The following PRKCA variants were observed in gnomAD, a reference collection of about 807,000 sequenced individuals.
PRKCA encodes the protein protein kinase C alpha.
A neutral mutation model predicts 87.0 loss-of-function variants in PRKCA; 27 were observed. The observed-to-expected ratio is 0.31, with a 90% CI of 0.23 to 0.43. PRKCA has a LOEUF of 0.43. Among genes scored for constraint, PRKCA ranks in the 20% least tolerant of loss-of-function variants. The pLI is 1.00. For missense variants in PRKCA, 518 were observed against 852.3 expected, an observed-to-expected ratio of 0.61 and a Z score of 4.88; for synonymous variants, 329 against 311.1, an observed-to-expected ratio of 1.06 and a Z score of -0.61.
chr17:66,335,388 G>C (rs368343870), intron 2 of PRKCA, among the ~76,000 whole-genome samples: 1 of 151,914 alleles, frequency 6.6e-6, no homozygotes, highest in Non-Finnish European at 1.5e-5. Context: ...TCCCACCTTG[G>C]CCTCTCAAAG....
chr17:66,641,385 C>G lies in PRKCA; in HGVS notation c.319C>G (p.His107Asp). ...CAGGAGCAAGCACAAGTTCAAAATC[C>G]ACACTTACGGAAGCCCCACCTTCTG... ...DPRSKHKFKIHTYGSPTFCDH... is the reference protein window; with the variant it reads ...DPRSKHKFKIDTYGSPTFCDH... Residue 107 changes from histidine (H) to aspartate (D), a missense_variant, in exon 4 of 17, where the codon CAC becomes GAC. By Grantham distance (81) the His-to-Asp change is moderately conservative. This residue lies in a region of PRKCA where 300 missense variants were observed against 496.8 expected (regional missense o/e 0.60). Coordinates refer to ENST00000413366, the MANE Select transcript of PRKCA (RefSeq NM_002737.3). The G allele has an allele frequency of 6.2e-7, 1 of 1,612,690 alleles. No individual in the cohort carries two copies. The highest frequency in any genetic ancestry group is 1.1e-5 in the South Asian group (1 of 90,700).
chr17:66,511,995 T>A (rs1201623905), intron 3 of PRKCA, among the ~76,000 whole-genome samples: 2 of 152,116 alleles, frequency 1.3e-5, no homozygotes, highest in Admixed American at 1.3e-4. Context: ...GATAGTGAAC[T>A]TCTGTCCATC....
intron 5 of PRKCA, among the ~76,000 whole-genome samples, chr17:66,658,818 T>C (rs1971808386): frequency 6.6e-6 from 1 of 152,214 alleles, no homozygotes; most frequent in African/African-American, 2.4e-5. Flanking sequence ...GACTCTTTCA[T>C]GGTGTAGCTA....
chr17:66,393,102 A>G (rs1042081856), intron 2 of PRKCA, among the ~76,000 whole-genome samples: 2 of 152,188 alleles, frequency 1.3e-5, no homozygotes, highest in Non-Finnish European at 1.5e-5. Context: ...GATTTTAAAC[A>G]TAAGCCAGTG....
chr17:66,629,289 G>A (rs1970942447), intron 3 of PRKCA, among the ~76,000 whole-genome samples: 1 of 152,268 alleles, frequency 6.6e-6, no homozygotes, highest in East Asian at 1.9e-4. Context: ...CAGCCCTCTT[G>A]CAAATAATGT....
rs776376975 is a variant in PRKCA, at chr17:66,788,896, G to A, written c.1771G>A (p.Val591Met). The A allele has an allele frequency of 6.8e-6, 11 of 1,614,004 alleles. No homozygotes were observed. Among genetic ancestry groups the A allele is most frequent in the African/African-American group, 1.3e-5 (1 of 74,918 alleles). The change falls in exon 16 of 17, where the codon GTG becomes ATG. Residue 591 changes from valine to methionine, a missense_variant. Around this residue, in one of 5 missense-constraint regions of PRKCA, gnomAD observed 159 missense variants for 232.4 expected, o/e 0.68. Coordinates refer to ENST00000413366, the MANE Select transcript of PRKCA (RefSeq NM_002737.3). ...CTGTGGGCCTGAGGGGGAGAGGGAC[G>A]TGAGAGAGCATGCCTTCTTCCGGAG... is the stretch of plus-strand genomic sequence containing the variant. Reference protein sequence around the residue: ...LGCGPEGERDVREHAFFRRID... With the variant: ...LGCGPEGERDMREHAFFRRID...
intron 11 of PRKCA, among the ~76,000 whole-genome samples, chr17:66,739,800 G>T (rs1974118054): frequency 6.6e-6 from 1 of 152,076 alleles, no homozygotes; most frequent in African/African-American, 2.4e-5. Flanking sequence ...GGGGCTCTGG[G>T]TGAAGAGCCT....
intron 14 of PRKCA, among the ~76,000 whole-genome samples, chr17:66,785,851 C>T (rs779932774): frequency 6.6e-5 from 10 of 152,190 alleles, no homozygotes; most frequent in African/African-American, 1.4e-4. Flanking sequence ...GTTTTTGAGA[C>T]GGAGTCTCGC....
intron 15 of PRKCA, among the ~76,000 whole-genome samples, chr17:66,788,515 T>C (rs9898651): frequency 0.18 from 26,822 of 152,016 alleles, 3,937 homozygotes; most frequent in African/African-American, 0.4. Flanking sequence ...TTTTTATTAC[T>C]AGATACATGT....
At chr17:66,714,848 C>T (rs1323370289) in intron 8 of PRKCA, among the ~76,000 whole-genome samples, 11 of 152,114 alleles carry the variant, frequency 7.2e-5, no homozygotes, top group Non-Finnish European at 1.0e-4. Context: ...CACAGAGGGC[C>T]CAGAGAATAG....
intron 2 of PRKCA, among the ~76,000 whole-genome samples, chr17:66,495,101 C>CA (rs34731379): frequency 0.66 from 87,210 of 132,058 alleles, 27,377 homozygotes; most frequent in Middle Eastern, 0.73. Flanking sequence ...GACCCGGTCT[C>CA]AAAAAAAAAA....
rs930696388 is a variant in PRKCA at position 66,373,414 on chromosome 17, C to G, written c.205+67287C>G. Among the ~76,000 whole-genome samples the G allele has an allele frequency of 2.6e-5, 4 of 152,158 alleles. 1 individual carries two copies. The highest frequency in any genetic ancestry group is 9.7e-5 in the African/African-American group (4 of 41,434). On this transcript the variant is annotated intron_variant, in intron 2 of 16. Transcript: ENST00000413366. ...AGGTCGTACAGCCTGTAAATGTTCC[C>G]CAAAAGCCCATGTACTTTCTTCACT...
At chr17:66,789,161 CT>C (rs2144386459) in intron 16 of PRKCA, among the ~76,000 whole-genome samples, 182 bp downstream of exon 16, 1 of 152,370 alleles carries the variant, frequency 6.6e-6, no homozygotes, top group East Asian at 1.9e-4. Flanking sequence ...TTCCTGCTGC[CT>C]TCAGAGAGTA....
chr17:66,459,972 C>A (rs1045037680), intron 2 of PRKCA, among the ~76,000 whole-genome samples: 2 of 152,178 alleles, frequency 1.3e-5, no homozygotes, highest in African/African-American at 4.8e-5. Context: ...AAGGATGAAT[C>A]ATTCATGAAA....
chr17:66,787,887 A>T (rs912485921), intron 15 of PRKCA, among the ~76,000 whole-genome samples: 1 of 152,078 alleles, frequency 6.6e-6, no homozygotes, highest in Non-Finnish European at 1.5e-5. Flanking sequence ...TCCTCCTGTC[A>T]TATTGCTGTG....
intron 2 of PRKCA, among the ~76,000 whole-genome samples, chr17:66,407,727 A>G (rs1177154414): frequency 2.6e-5 from 4 of 152,048 alleles, no homozygotes; most frequent in African/African-American, 9.7e-5. Context: ...AAAAAAGTAG[A>G]TTTCCTTTTC....
intron 3 of PRKCA, among the ~76,000 whole-genome samples, chr17:66,621,464 A>G (rs569567423): frequency 6.6e-6 from 1 of 152,318 alleles, no homozygotes; most frequent in African/African-American, 2.4e-5. Context: ...GAAACCTGTT[A>G]TAATCAATTC....
chr17:66,660,248 G>C (rs1428588595), intron 5 of PRKCA, among the ~76,000 whole-genome samples: 1 of 152,222 alleles, frequency 6.6e-6, no homozygotes, highest in Non-Finnish European at 1.5e-5. Context: ...CTGTGTGCCA[G>C]TGGGTCCGTT....
At chr17:66,756,385 A>G (rs1390614948) in intron 13 of PRKCA, among the ~76,000 whole-genome samples, 11 of 152,048 alleles carry the variant, frequency 7.2e-5, no homozygotes, top group Admixed American at 7.2e-4. Flanking sequence ...TGAAGGTCAC[A>G]ATCCACAGGC....
Sources: allele counts gnomAD v4.1 joint callset (sites outside exome capture counted in the v4.1 genomes callset), GRCh38; gene constraint gnomAD v4.1.1; regional missense constraint gnomAD v4.1.1; transcripts MANE v1.5; gene names NCBI Gene and HGNC (gene_info 2026-07-23, HGNC 2026-07-21).